Variants in RGS17 observed in about 807,000 individuals in gnomAD.
RGS17 encodes the protein regulator of G protein signaling 17, also known as regulator of G-protein signaling 17.
In RGS17, 12 loss-of-function variants were observed where a neutral mutation model predicts 25.5. That is an observed-to-expected ratio of 0.47 (90% confidence interval 0.30 to 0.76). RGS17 has a LOEUF of 0.76. RGS17 is among the 30% of genes least tolerant of loss of function. RGS17 has a pLI of 0.07. For missense variants in RGS17, 196 were observed against 242.2 expected (o/e 0.81, Z 1.27); for synonymous variants, 71 against 76.9 (o/e 0.92, Z 0.40).
At chr6:153,101,051 C>T (rs886071850) in intron 1 of RGS17, among the ~76,000 whole-genome samples, 5 of 151,958 alleles carry the variant, frequency 3.3e-5, no homozygotes, top group African/African-American at 4.8e-5. Context: ...TGCTCAAACT[C>T]GGTTAAACTT....
rs914965414 is a variant in RGS17, at chr6:153,024,189, A to G, written c.444+73T>C. 29 of 952,246 alleles carry G rather than the reference A, an allele frequency of 3.0e-5. No homozygotes were observed. The Admixed American group carries it at 5.8e-4, about 19-fold the overall frequency. 59.0% of individuals were successfully genotyped at this position (952,246 alleles called of 1,614,324 possible). On this transcript the variant is annotated intron_variant, in intron 4 of 4. Transcript: ENST00000206262. The stretch of plus-strand genomic sequence containing the variant: ...CCTCTCCACACCCCATGCCCTACCC[A>G]ATGTGGACAGCCATCCCTTGACGGT...
At chr6:153,050,134 A>T (rs888993244) in intron 1 of RGS17, among the ~76,000 whole-genome samples, 1 of 152,206 alleles carries the variant, frequency 6.6e-6, no homozygotes, top group Non-Finnish European at 1.5e-5. Flanking sequence ...ACATGCAAAA[A>T]TAAACTCAAA....
intron 1 of RGS17, among the ~76,000 whole-genome samples, chr6:153,087,665 T>C (rs1777069571): frequency 6.6e-6 from 1 of 152,182 alleles, no homozygotes; most frequent in South Asian, 2.1e-4. Context: ...AGTTATCCTT[T>C]GTGTGTCTCA....
rs1779227259 is a variant in RGS17, at chr6:153,020,111, AATAT to A, written c.444+4147_444+4150del. ...AATTGCAAATATCTTAAAAAAAAAA[AATAT>A]ATATATATATATATATATATATATT... On this transcript the variant is annotated intron_variant, in intron 4 of 4. Transcript: ENST00000206262. 2.3e-3 allele frequency among the ~76,000 whole-genome samples: 133 copies of A among 58,444 alleles called. 3 individuals are homozygous for A. The highest frequency in any genetic ancestry group is 6.3e-3 in the African/African-American group (99 of 15,738). The allele number at this position is 58,444 out of a possible 152,430, so 38.3% of individuals were successfully genotyped here.
intron 2 of RGS17, among the ~76,000 whole-genome samples, chr6:153,027,985 G>A (rs917934213): frequency 6.6e-6 from 1 of 152,200 alleles, no homozygotes; most frequent in African/African-American, 2.4e-5. Flanking sequence ...GTGCAAGCGT[G>A]AGGACGGAGA....
intron 2 of RGS17, among the ~76,000 whole-genome samples, chr6:153,042,836 A>C (rs1265720457): frequency 6.6e-6 from 1 of 152,196 alleles, no homozygotes; most frequent in Non-Finnish European, 1.5e-5. Context: ...ACATTTTGTC[A>C]TATCAAAAAA....
chr6:153,077,860 G>A (rs1420159923), intron 1 of RGS17, among the ~76,000 whole-genome samples: 2 of 147,822 alleles, frequency 1.4e-5, no homozygotes, highest in Admixed American at 1.4e-4. Context: ...GTGAGCAAAT[G>A]ACTTACAGTA....
In RGS17 at chr6:153,104,320, TA is replaced by T. The variant is rs1012007777; in HGVS notation, c.-26+26803del. 7.9e-5 allele frequency among the ~76,000 whole-genome samples: 12 copies of T among 152,222 alleles called. 1 individual carries two copies. Among genetic ancestry groups the T allele is most frequent in the Admixed American group, 7.9e-4 (12 of 15,284 alleles). Reference sequence around the variant, plus strand: ...CTCCTAGTAATTCACTAGGTATCACTAGGCCTGTTTTTATAAATGGGAATAA... The same window carrying T: ...CTCCTAGTAATTCACTAGGTATCACTGGCCTGTTTTTATAAATGGGAATAA... On this transcript the variant is annotated intron_variant, in intron 1 of 4. Coordinates refer to ENST00000206262, the MANE Select transcript of RGS17 (RefSeq NM_012419.5).
At chr6:153,020,689 T>C (rs1405964182) in intron 4 of RGS17, among the ~76,000 whole-genome samples, 2 of 152,224 alleles carry the variant, frequency 1.3e-5, no homozygotes, top group African/African-American at 4.8e-5. Flanking sequence ...AATGGCCTTC[T>C]GTTTAACAGT....
chr6:153,094,015 G>A (rs1384952240), intron 1 of RGS17, among the ~76,000 whole-genome samples: 1 of 151,842 alleles, frequency 6.6e-6, no homozygotes, highest in East Asian at 1.9e-4. Flanking sequence ...GTAATATCTG[G>A]TATCATCAAT....
chr6:153,069,407 T>C (rs1237065421), intron 1 of RGS17, among the ~76,000 whole-genome samples: 1 of 152,002 alleles, frequency 6.6e-6, no homozygotes, highest in Admixed American at 6.6e-5. Flanking sequence ...ATCAAAACAA[T>C]TGAATTCATG....
At chr6:153,086,116 A>T (rs905009364) in intron 1 of RGS17, among the ~76,000 whole-genome samples, 1 of 152,154 alleles carries the variant, frequency 6.6e-6, no homozygotes, top group Non-Finnish European at 1.5e-5. Flanking sequence ...TATAAATTTA[A>T]TCATCACATG....
chr6:153,026,647 A>G (rs1779305905), intron 2 of RGS17, 104 bp from the exon 3 acceptor site: 3 of 766,018 alleles, frequency 3.9e-6, no homozygotes, highest in East Asian at 5.1e-5. Flanking sequence ...CTTATATTCA[A>G]CTATGTGAGA....
chr6:153,080,711 CTAACA>C (rs1302745694), intron 1 of RGS17, among the ~76,000 whole-genome samples: 2 of 151,966 alleles, frequency 1.3e-5, no homozygotes, highest in East Asian at 1.9e-4. Flanking sequence ...TTCTTCCTTA[CTAACA>C]TAAGAAGCAT....
rs548100534 is a variant in RGS17 at position 153,077,412 on chromosome 6, A to C, written c.-25-33369T>G. On this transcript the variant is annotated intron_variant, in intron 1 of 4. Coordinates refer to ENST00000206262, the MANE Select transcript of RGS17 (RefSeq NM_012419.5). The stretch of plus-strand genomic sequence containing the variant: ...CTCTGGATATTAGATGAGACTATAG[A>C]ATTATTGCTAATTTGACTAGCTGTG... Among the ~76,000 whole-genome samples the C allele has an allele frequency of 1.1e-4, 17 of 152,272 alleles. No individual in the cohort carries two copies. In the South Asian group the frequency reaches 3.3e-3, roughly 30 times the overall value.
chr6:153,099,496 T>G (rs1777264100), intron 1 of RGS17, among the ~76,000 whole-genome samples: 2 of 152,214 alleles, frequency 1.3e-5, no homozygotes, highest in African/African-American at 4.8e-5. Flanking sequence ...ACAAACCCTT[T>G]TCTAAAATAT....
chr6:153,051,528 C>A (rs766996256), intron 1 of RGS17, among the ~76,000 whole-genome samples: 11 of 152,178 alleles, frequency 7.2e-5, no homozygotes, highest in Non-Finnish European at 1.2e-4. Context: ...GGAGAACAGG[C>A]AATCCTTGTT....
chr6:153,027,786 C>A (rs544441399), intron 2 of RGS17, among the ~76,000 whole-genome samples: 26 of 152,236 alleles, frequency 1.7e-4, no homozygotes, highest in African/African-American at 6.0e-4. Context: ...TGCTATGAAC[C>A]ATGGCTGCTG....
intron 1 of RGS17, among the ~76,000 whole-genome samples, chr6:153,115,033 C>CCT (rs1363740086): frequency 6.6e-6 from 1 of 152,096 alleles, no homozygotes; most frequent in Non-Finnish European, 1.5e-5. Flanking sequence ...ACAAGGATGC[C>CCT]CTCTCTCACC....
Sources: gnomAD v4.1 joint callset for allele counts (sites outside exome capture counted in the v4.1 genomes callset) on GRCh38, gnomAD v4.1.1 for gene constraint, MANE v1.5 for transcripts, NCBI Gene and HGNC (gene_info 2026-07-23, HGNC 2026-07-21) for gene names.